RBFOX1: variants seen among roughly 807,000 people sequenced by gnomAD.
RBFOX1 encodes the protein RNA binding fox-1 homolog 1.
Under a neutral mutation model 57.7 loss-of-function variants are expected in RBFOX1, and 8 were observed. That is an observed-to-expected ratio of 0.14 (90% CI 0.08 to 0.25). The LOEUF (loss-of-function observed/expected upper bound fraction) is 0.25. Among genes scored for constraint, RBFOX1 ranks in the 10% least tolerant of loss-of-function variants. The pLI, the probability that RBFOX1 is intolerant of heterozygous loss-of-function variation, is 1.00. For synonymous variants in RBFOX1, 326 were observed against 222.4 expected, an observed-to-expected ratio of 1.47 and a Z score of -4.15; for missense variants, 611 against 548.5, an observed-to-expected ratio of 1.11 and a Z score of -1.14.
intron 2 of RBFOX1, among the ~76,000 whole-genome samples, chr16:6,614,530 G>GT (rs1358190777): frequency 6.6e-6 from 1 of 152,194 alleles, no homozygotes; most frequent in Non-Finnish European, 1.5e-5. Context: ...CTGTAACTGA[G>GT]TATCACAGAC....
chr16:7,322,486 T>A (rs951880298), intron 4 of RBFOX1, among the ~76,000 whole-genome samples: 1 of 152,252 alleles, frequency 6.6e-6, no homozygotes, highest in African/African-American at 2.4e-5. Flanking sequence ...CTGCCCTTAG[T>A]AGAAAGTACA....
intron 4 of RBFOX1, among the ~76,000 whole-genome samples, chr16:5,876,503 C>T (rs1340055431): frequency 1.3e-5 from 2 of 152,140 alleles, no homozygotes; most frequent in African/African-American, 4.8e-5. Flanking sequence ...GGCAAAGGCT[C>T]AGTCTTTTAA....
In RBFOX1 at chr16:7,686,353, C is replaced by T. The variant is rs573106415; in HGVS notation, c.995+9515C>T. ...GGAACCGCAAGATCAAATATCCTAT[C>T]CTTCTTTTTCAACCTGTGCCTTGGA... On this transcript the variant is annotated intron_variant, in intron 14 of 15. Transcript: ENST00000550418. Among the ~76,000 whole-genome samples the T allele has an allele frequency of 5.9e-5, 9 of 152,132 alleles. No individual in the cohort carries two copies. The South Asian group carries it at 1.9e-3, about 32-fold the overall frequency.
At chr16:6,743,522 C>G (rs1401905238) in intron 3 of RBFOX1, among the ~76,000 whole-genome samples, 1 of 151,956 alleles carries the variant, frequency 6.6e-6, no homozygotes, top group Admixed American at 6.6e-5. Flanking sequence ...CAGGAGGATG[C>G]CTTGAGCCCA....
chr16:6,559,372 G>C (rs1029964144), intron 2 of RBFOX1, among the ~76,000 whole-genome samples: 1 of 151,790 alleles, frequency 6.6e-6, no homozygotes, highest in Non-Finnish European at 1.5e-5. Flanking sequence ...ACACACACAC[G>C]TATGTATACA....
At chr16:6,004,030 A>G (rs1985619) in intron 4 of RBFOX1, among the ~76,000 whole-genome samples, 120,003 of 152,148 alleles carry the variant, frequency 0.79, 48,212 homozygotes, top group African/African-American at 0.94. Flanking sequence ...ATACAAGGTC[A>G]TGTTGCACGG....
intron 2 of RBFOX1, among the ~76,000 whole-genome samples, chr16:6,431,961 C>A (rs12920644): frequency 2.6e-4 from 28 of 108,722 alleles, no homozygotes; most frequent in African/African-American, 9.8e-4. Context: ...TTCTTTCTTT[C>A]TTTTTCTTTT....
intron 3 of RBFOX1, among the ~76,000 whole-genome samples, chr16:5,840,576 G>T (rs1162316908): frequency 1.3e-5 from 2 of 152,308 alleles, no homozygotes; most frequent in South Asian, 4.1e-4. Flanking sequence ...TCTACAAGAA[G>T]AGGCTTAAAT....
At chr16:6,846,887 A>G (rs1337541602) in intron 3 of RBFOX1, among the ~76,000 whole-genome samples, 2 of 151,758 alleles carry the variant, frequency 1.3e-5, no homozygotes, top group Non-Finnish European at 2.9e-5. Context: ...AAAATTACAA[A>G]GGGAAAGACT....
At chr16:6,066,225 T>C (rs2343570) in intron 1 of RBFOX1, among the ~76,000 whole-genome samples, 136,301 of 147,094 alleles carry the variant, frequency 0.93, 63,195 homozygotes, top group African/African-American at 0.96. Context: ...ACTGGGGGGG[T>C]TGGAGGTTGC....
At chr16:6,180,064 A>T (rs1271355854) in intron 1 of RBFOX1, among the ~76,000 whole-genome samples, 1 of 152,130 alleles carries the variant, frequency 6.6e-6, no homozygotes, top group Non-Finnish European at 1.5e-5. Context: ...AGATGTTTGC[A>T]TCTATATTTA....
intron 4 of RBFOX1, among the ~76,000 whole-genome samples, chr16:7,462,526 G>T (rs770320823): frequency 6.6e-6 from 1 of 152,218 alleles, no homozygotes; most frequent in Admixed American, 6.5e-5. Context: ...AACCCGCCAT[G>T]TATTATCTCA....
intron 12 of RBFOX1, among the ~76,000 whole-genome samples, chr16:7,659,992 A>T (rs555899458): frequency 6.6e-6 from 1 of 152,326 alleles, no homozygotes; most frequent in East Asian, 1.9e-4. Flanking sequence ...CCATTAAAAA[A>T]TAGCGGTATT....
intron 1 of RBFOX1, among the ~76,000 whole-genome samples, chr16:6,242,928 G>A (rs2097547818): frequency 6.6e-6 from 1 of 152,058 alleles, no homozygotes; most frequent in South Asian, 2.1e-4. Context: ...CAAAAGATGT[G>A]TATGTTTGGA....
intron 3 of RBFOX1, among the ~76,000 whole-genome samples, chr16:5,678,628 C>G (rs968043790): frequency 2.6e-5 from 4 of 152,158 alleles, no homozygotes; most frequent in Non-Finnish European, 5.9e-5. Context: ...CCACAGGAAT[C>G]TATTATGCGG....
intron 3 of RBFOX1, among the ~76,000 whole-genome samples, chr16:6,824,983 G>GTTTTTTTTTTTTTTTTTTTTTTTTGTT (rs2091919235): frequency 2.7e-5 from 1 of 36,878 alleles, no homozygotes; most frequent in Non-Finnish European, 5.9e-5. Context: ...TTCTTTCTTG[G>GTTTTTTTTTTTTTTTTTTTTTTTTGTT]TTTTTTTTTT....
intron 2 of RBFOX1, among the ~76,000 whole-genome samples, chr16:5,515,989 A>C (rs1306636432): frequency 6.6e-6 from 1 of 152,220 alleles, no homozygotes; most frequent in Non-Finnish European, 1.5e-5. Context: ...ACCAGAGCGT[A>C]TTTGAGCCCA....
chr16:6,429,287 A>T lies in RBFOX1; in HGVS notation c.-64+112230A>T, dbSNP rs562599473. ...AGCAAAACCTTGGCATCAGCCGTGC[A>T]CACGGCCCTGGGATCTTTGCCAGCT... is the stretch of plus-strand genomic sequence containing the variant. On this transcript the variant is annotated intron_variant, in intron 2 of 15. Transcript: ENST00000550418. 5.9e-5 allele frequency among the ~76,000 whole-genome samples: 9 copies of T among 152,366 alleles called. No homozygotes were observed. The East Asian group carries it at 1.7e-3, about 29-fold the overall frequency.
chr16:5,661,989 A>G (rs994252943), intron 3 of RBFOX1, among the ~76,000 whole-genome samples: 1 of 152,094 alleles, frequency 6.6e-6, no homozygotes. Flanking sequence ...GGGTTTCACC[A>G]TGTTAGCAGG....
Sources: allele counts gnomAD v4.1 joint callset (sites outside exome capture counted in the v4.1 genomes callset), GRCh38; gene constraint gnomAD v4.1.1; transcripts MANE v1.5; gene names NCBI Gene and HGNC (gene_info 2026-07-23, HGNC 2026-07-21).